The following RFX1 variants were observed in gnomAD, a reference collection of about 807,000 sequenced individuals.
RFX1 encodes MHC class II regulatory factor RFX1.
Under a neutral mutation model 119.6 loss-of-function variants are expected in RFX1, and 42 were observed. The observed-to-expected ratio is 0.35, with a 90% CI of 0.27 to 0.45. The LOEUF (loss-of-function observed/expected upper bound fraction) is 0.45, where lower values mean the gene tolerates loss of function less well. Ranked by LOEUF, RFX1 falls within the 20% of genes least tolerant of loss-of-function variation. RFX1 has a pLI of 1.00. For missense variants in RFX1, 1,118 were observed against 1,368.1 expected (o/e 0.82, Z 2.88); for synonymous variants, 628 against 618.5 (o/e 1.02, Z -0.23).
At position 13,993,608 on chromosome 19, in the gene RFX1, G is replaced by A. The variant is rs757063644; in HGVS notation, c.236C>T (p.Pro79Leu). Residue 79 changes from proline (P) to leucine (L), a missense_variant, in exon 2 of 21, where the codon CCG (proline) becomes CTG (leucine). This residue lies in a region of RFX1 where 542 missense variants were observed against 602.7 expected (regional missense o/e 0.90). Coordinates refer to ENST00000254325, the MANE Select transcript of RFX1 (RefSeq NM_002918.5). ...TGGCTGCGAGGGTGCGGGTACAGCC[G>A]GGAGCTCCGTCACGTACTGCTTCTG... ...GGQKQYVTEL[P>L]AVPAPSQPTG... is the part of the protein sequence containing the mutation. 10 of 1,611,274 alleles carry A rather than the reference G, an allele frequency of 6.2e-6. No individual in the cohort carries two copies. Among genetic ancestry groups the A allele is most frequent in the East Asian group, 2.2e-5 (1 of 44,804 alleles).
intron 7 of RFX1, among the ~76,000 whole-genome samples, chr19:13,978,653 G>A (rs1307413236): frequency 6.6e-6 from 1 of 152,132 alleles, no homozygotes; most frequent in Non-Finnish European, 1.5e-5. Flanking sequence ...GGGCGGAGGT[G>A]GGGTCTACAG....
intron 8 of RFX1, 39 bp downstream of exon 8, chr19:13,977,953 A>T (rs1349513491): frequency 2.7e-6 from 4 of 1,501,756 alleles, no homozygotes; most frequent in Non-Finnish European, 3.7e-6. Context: ...GCTCCAGTGC[A>T]GACCTGACTC....
chr19:13,963,103 A>G lies in RFX1; in HGVS notation c.2724+19T>C, dbSNP rs756579764. ...CGCCTGGCGCCCCGCCCGCGCCCCC[A>G]GTGGCCCGCCTCGCGCACCTCGCCC... On this transcript the variant is annotated intron_variant, in intron 19 of 20. Transcript: ENST00000254325. 2 of 1,609,994 alleles carry G rather than the reference A, an allele frequency of 1.2e-6. No homozygotes were observed. Among genetic ancestry groups the G allele is most frequent in the Non-Finnish European group, 1.7e-6 (2 of 1,178,052 alleles).
intron 18 of RFX1, 45 bp from the exon 19 acceptor site, chr19:13,963,320 C>T: frequency 6.4e-7 from 1 of 1,567,716 alleles, no homozygotes; most frequent in Non-Finnish European, 8.6e-7. Flanking sequence ...CCGTCCGGCC[C>T]GACCCCCTCT....
In RFX1 at chr19:13,974,445, A is replaced by T. The variant is rs1465842761; in HGVS notation, c.930-1318T>A. ...AAAAACCACCAGGGGTTCAACCTCA[A>T]GGGGCTGTTAAACAAAAGATGATGG... On this transcript the variant is annotated intron_variant, in intron 8 of 20. Coordinates refer to ENST00000254325, the MANE Select transcript of RFX1 (RefSeq NM_002918.5). Among the ~76,000 whole-genome samples, 3 of 152,158 alleles carry T rather than the reference A, an allele frequency of 2.0e-5. No individual in the cohort carries two copies. The East Asian group carries it at 5.8e-4, about 29-fold the overall frequency.
intron 1 of RFX1, among the ~76,000 whole-genome samples, chr19:13,996,631 GGGGATTGAACCCA>G (rs1165527590): frequency 6.6e-6 from 1 of 152,136 alleles, no homozygotes; most frequent in Non-Finnish European, 1.5e-5. Context: ...ACTGGTGAGG[GGGGATTGAACCCA>G]GGTCTCTCTG....
At chr19:13,995,605 C>CT (rs1568481974) in intron 1 of RFX1, among the ~76,000 whole-genome samples, 2 of 152,192 alleles carry the variant, frequency 1.3e-5, no homozygotes. Flanking sequence ...AATCCCAACA[C>CT]TTTGGGAGAC....
chr19:13,990,967 A>G lies in RFX1; in HGVS notation c.319+2558T>C, dbSNP rs1974782077. 6.6e-6 allele frequency among the ~76,000 whole-genome samples: 1 copy of G among 152,234 alleles called. No homozygotes were observed. Among genetic ancestry groups the G allele is most frequent in the Admixed American group, 6.5e-5 (1 of 15,284 alleles). On this transcript the variant is annotated intron_variant, in intron 2 of 20. Transcript: ENST00000254325. This position sits in a 1 kb window ranked among gnomAD's most constrained non-coding sequence, Gnocchi z 4.1. Reference sequence around the variant, plus strand: ...GCACTCCAGCCTGGGCGACAGAGCAAGACCCTGTCTCAAAAAATAAATACA... The same window carrying G: ...GCACTCCAGCCTGGGCGACAGAGCAGGACCCTGTCTCAAAAAATAAATACA...
intron 8 of RFX1, among the ~76,000 whole-genome samples, chr19:13,973,515 G>T (rs949250744): frequency 6.6e-6 from 1 of 152,196 alleles, no homozygotes; most frequent in Admixed American, 6.5e-5. Flanking sequence ...GGGAGGCTGA[G>T]GCAGGAAGAT....
At chr19:13,982,954 A>G in intron 4 of RFX1, 1 of 539,134 alleles carries the variant, frequency 1.9e-6, no homozygotes, top group Non-Finnish European at 3.3e-6. Flanking sequence ...CTTCCCAACT[A>G]TACATCTTGT....
chr19:14,002,735 G>C (rs1433260165), intron 1 of RFX1, among the ~76,000 whole-genome samples: 1 of 152,176 alleles, frequency 6.6e-6, no homozygotes, highest in Non-Finnish European at 1.5e-5. Context: ...GCAGGTGGGA[G>C]AAAGTCTTTC....
In RFX1 at chr19:13,972,723, G is replaced by T; in HGVS notation, c.1314+20C>A. On this transcript the variant is annotated intron_variant, in intron 9 of 20. Coordinates refer to ENST00000254325, the MANE Select transcript of RFX1 (RefSeq NM_002918.5). Reference sequence around the variant, plus strand: ...CCCACCACTGCCTGCCTCCTCTGGGGCCCGCGTTGGGGCACTTACCGTGGC... The same window carrying T: ...CCCACCACTGCCTGCCTCCTCTGGGTCCCGCGTTGGGGCACTTACCGTGGC... 6.4e-7 allele frequency: 1 copy of T among 1,565,596 alleles called. No individual in the cohort carries two copies. The highest frequency in any genetic ancestry group is 8.7e-7 in the Non-Finnish European group (1 of 1,152,152).
At position 13,962,565 on chromosome 19, in the gene RFX1, T is replaced by C. The variant is rs1292579171; in HGVS notation, c.*130A>G. On this transcript the variant is annotated 3_prime_UTR_variant, in exon 21 of 21. Coordinates refer to ENST00000254325, the MANE Select transcript of RFX1 (RefSeq NM_002918.5). Reference sequence around the variant, plus strand: ...GCCCCATAAGGGAGGAGGGCCCCGGTCTTCCCTGTCTCGGAGTCCCCCTCC... The same window carrying C: ...GCCCCATAAGGGAGGAGGGCCCCGGCCTTCCCTGTCTCGGAGTCCCCCTCC... The C allele has an allele frequency of 2.7e-6, 2 of 737,072 alleles. No homozygotes were observed. Among genetic ancestry groups the C allele is most frequent in the African/African-American group, 3.8e-5 (2 of 52,892 alleles). The allele number at this position is 737,072 out of a possible 1,614,324, so 45.7% of individuals were successfully genotyped here. A position where few individuals can be genotyped will look rare whatever the true frequency, so the allele number is the denominator to read the frequency against.
chr19:13,964,734 G>A (rs377673477), intron 16 of RFX1, among the ~76,000 whole-genome samples: 23 of 152,156 alleles, frequency 1.5e-4, no homozygotes, highest in Non-Finnish European at 2.5e-4. Context: ...CGCCCGCCTC[G>A]CCTCCCAAAG....
intron 4 of RFX1, 64 bp downstream of exon 4, chr19:13,983,123 C>A: frequency 8.0e-7 from 1 of 1,251,224 alleles, no homozygotes; most frequent in Non-Finnish European, 1.1e-6. Flanking sequence ...AGGCTTGCCA[C>A]AGGGGGTTGG....
rs1019426106 is a variant in RFX1 at position 13,965,892 on chromosome 19, G to A, written c.1962-115C>T. On this transcript the variant is annotated intron_variant, in intron 14 of 20. Coordinates refer to ENST00000254325, the MANE Select transcript of RFX1 (RefSeq NM_002918.5). This position sits in a 1 kb window ranked among gnomAD's most constrained non-coding sequence, Gnocchi z 4.7. ...CCCAGGGTCACTGGGGTACTCTGTG[G>A]TTCTACCCCCAGCATCAGAAGGCAC... 12 of 1,259,540 alleles carry A rather than the reference G, an allele frequency of 9.5e-6. No homozygotes were observed. Among genetic ancestry groups the A allele is most frequent in the African/African-American group, 1.5e-5 (1 of 67,700 alleles). The allele number at this position is 1,259,540 out of a possible 1,614,324, so 78.0% of individuals were successfully genotyped here. A position where few individuals can be genotyped will look rare whatever the true frequency, so the allele number is the denominator to read the frequency against.
chr19:13,966,423 A>C lies in RFX1; in HGVS notation c.1959T>G (p.Ala653=). The change falls in exon 14 of 21, where the codon GCT becomes GCG. Residue 653 remains alanine, a splice_region_variant and synonymous_variant. Transcript: ENST00000254325. This position sits in a 1 kb window ranked among gnomAD's most constrained non-coding sequence, Gnocchi z 6.3. ...CACAGTCGCCGGGCAGTACTCACACAGCCAGCGGTGGCGCCTCACTGGGCT... is the reference window on the plus strand; with the variant it reads ...CACAGTCGCCGGGCAGTACTCACACCGCCAGCGGTGGCGCCTCACTGGGCT... ...LSQPSEAPPL[A]VHDEAEKRLP... is the part of the protein sequence containing the mutation. 6.2e-7 allele frequency: 1 copy of C among 1,602,248 alleles called. No homozygotes were observed. Among genetic ancestry groups the C allele is most frequent in the Non-Finnish European group, 8.5e-7 (1 of 1,170,648 alleles).
chr19:13,996,767 G>C (rs895109991), intron 1 of RFX1, among the ~76,000 whole-genome samples: 1 of 139,914 alleles, frequency 7.1e-6, no homozygotes, highest in Admixed American at 7.9e-5. Context: ...CTGTCATCCA[G>C]GCTGGAGTGC....
chr19:13,963,073 C>T (rs1973762347), intron 19 of RFX1, 34 bp from the exon 20 acceptor site: 1 of 1,596,474 alleles, frequency 6.3e-7, no homozygotes, highest in East Asian at 2.3e-5. Flanking sequence ...GGGTGAGGGT[C>T]CCGCCGCCTG....
Sources: allele counts gnomAD v4.1 joint callset (sites outside exome capture counted in the v4.1 genomes callset), GRCh38; gene constraint gnomAD v4.1.1; regional missense constraint gnomAD v4.1.1; non-coding constraint Gnocchi (gnomAD v3.1); transcripts MANE v1.5; gene names NCBI Gene and HGNC (gene_info 2026-07-23, HGNC 2026-07-21).